Variants in MEMO1 observed in about 807,000 individuals in gnomAD.
MEMO1 encodes the protein mediator of cell motility 1, also known as protein MEMO1.
MEMO1 carries 6 observed loss-of-function variants against 45.2 expected under a neutral mutation model. The ratio of observed to expected loss-of-function variants is 0.13; its 90% confidence interval spans 0.07 to 0.26. The LOEUF is 0.26. Among genes scored for constraint, MEMO1 ranks in the 10% least tolerant of loss-of-function variants. The pLI, the probability that MEMO1 is intolerant of heterozygous loss-of-function variation, is 1.00. For missense variants in MEMO1, 184 were observed against 370.5 expected, an observed-to-expected ratio of 0.50 and a Z score of 4.13; for synonymous variants, 78 against 124.3, an observed-to-expected ratio of 0.63 and a Z score of 2.48.
At chr2:31,988,533 A>G (rs1467460384) in intron 2 of MEMO1, among the ~76,000 whole-genome samples, 1 of 152,134 alleles carries the variant, frequency 6.6e-6, no homozygotes, top group Admixed American at 6.5e-5. Context: ...GCGACAAAGC[A>G]AGACTCTGTC....
chr2:31,882,856 T>C (rs750410797), intron 8 of MEMO1, among the ~76,000 whole-genome samples: 3 of 152,182 alleles, frequency 2.0e-5, no homozygotes, highest in Non-Finnish European at 4.4e-5. Flanking sequence ...AGAATACAGA[T>C]TTTTATTAGC....
At chr2:31,968,623 T>C (rs993642960) in intron 2 of MEMO1, among the ~76,000 whole-genome samples, 2 of 152,190 alleles carry the variant, frequency 1.3e-5, no homozygotes, top group African/African-American at 4.8e-5. Context: ...TCTCCTTTTC[T>C]TTCAATTGTT....
At chr2:31,893,340 A>C in intron 6 of MEMO1, 4 of 1,163,326 alleles carry the variant, frequency 3.4e-6, no homozygotes, top group Non-Finnish European at 4.3e-6. Flanking sequence ...TAAGAGAAAA[A>C]AAGGAAGCTG....
At chr2:31,879,137 G>A (rs1402591290) in intron 8 of MEMO1, among the ~76,000 whole-genome samples, 1 of 152,172 alleles carries the variant, frequency 6.6e-6, no homozygotes, top group African/African-American at 2.4e-5. Context: ...CAAACTAGTA[G>A]AGAATAATTT....
At chr2:32,006,042 A>G (rs1363083488) in intron 2 of MEMO1, among the ~76,000 whole-genome samples, 2 of 152,246 alleles carry the variant, frequency 1.3e-5, no homozygotes, top group African/African-American at 2.4e-5. Context: ...AGCATGATGT[A>G]TTTAAAGAAA....
chr2:31,959,552 C>A (rs887190956), intron 2 of MEMO1, among the ~76,000 whole-genome samples: 3 of 151,054 alleles, frequency 2.0e-5, no homozygotes, highest in African/African-American at 7.3e-5. Flanking sequence ...AAATTGGGAG[C>A]CTTTGAGCAG....
intron 7 of MEMO1, among the ~76,000 whole-genome samples, chr2:31,884,561 T>A (rs565556103): frequency 3.9e-5 from 6 of 152,288 alleles, no homozygotes; most frequent in East Asian, 3.9e-4. Context: ...ACTAAAAAAA[T>A]TATGTAAATG....
At chr2:31,922,745 C>T (rs185489496) in intron 4 of MEMO1, among the ~76,000 whole-genome samples, 111 of 151,932 alleles carry the variant, frequency 7.3e-4, no homozygotes, top group Middle Eastern at 3.4e-3. Flanking sequence ...TCTGTTCCTA[C>T]GGGAGTTTGC....
At chr2:31,921,016 T>G (rs1682246665) in intron 4 of MEMO1, 106 bp from the exon 5 acceptor site, 1 of 729,870 alleles carries the variant, frequency 1.4e-6, no homozygotes, top group Non-Finnish European at 2.2e-6. Flanking sequence ...TTTTCCTTCT[T>G]AATTACCAAC....
intron 3 of MEMO1, among the ~76,000 whole-genome samples, chr2:31,938,344 G>GT (rs1031895831): frequency 9.9e-5 from 15 of 151,058 alleles, no homozygotes; most frequent in Non-Finnish European, 1.6e-4. Context: ...GCCTATAAAG[G>GT]TAAAAAAAAA....
intron 2 of MEMO1, among the ~76,000 whole-genome samples, chr2:32,006,227 T>C (rs1044718533): frequency 1.4e-4 from 22 of 152,198 alleles, no homozygotes; most frequent in African/African-American, 2.9e-4. Context: ...GCCAACATAC[T>C]ATTCAGGCAG....
intron 2 of MEMO1, among the ~76,000 whole-genome samples, chr2:31,978,408 G>GA (rs1267852618): frequency 2.6e-5 from 4 of 152,210 alleles, no homozygotes; most frequent in Non-Finnish European, 5.9e-5. Context: ...AAATAAAAGA[G>GA]AAATGCAAGT....
chr2:31,994,221 A>G (rs1333957284), intron 2 of MEMO1, among the ~76,000 whole-genome samples: 4 of 150,046 alleles, frequency 2.7e-5, no homozygotes, highest in Admixed American at 6.7e-5. Flanking sequence ...TCGCCCTCCC[A>G]AAGTACTGGA....
Position 31,928,117 on chromosome 2 carries a change from A to C in MEMO1, c.212+3950T>G, listed in dbSNP as rs78018086. Among the ~76,000 whole-genome samples, 636 of 152,356 alleles carry C rather than the reference A, an allele frequency of 4.2e-3. 9 individuals carry two copies. Among genetic ancestry groups the C allele is most frequent in the African/African-American group, 0.015 (624 of 41,580 alleles). On this transcript the variant is annotated intron_variant, in intron 4 of 9. Coordinates refer to ENST00000404530, the MANE Select transcript of MEMO1 (RefSeq NM_001301833.4). Reference sequence around the variant, plus strand: ...ATTCATCCATTTCTCTTGGAAAACAACACCTGAAAACCTTTGCTACCAATT... The same window carrying C: ...ATTCATCCATTTCTCTTGGAAAACACCACCTGAAAACCTTTGCTACCAATT...
intron 2 of MEMO1, among the ~76,000 whole-genome samples, chr2:31,976,922 T>C (rs924850750): frequency 6.6e-6 from 1 of 152,152 alleles, no homozygotes; most frequent in African/African-American, 2.4e-5. Flanking sequence ...TATTGAGATC[T>C]TTGTGTATAT....
intron 4 of MEMO1, among the ~76,000 whole-genome samples, chr2:31,930,480 A>G (rs748514734): frequency 1.3e-5 from 2 of 152,012 alleles, no homozygotes; most frequent in Non-Finnish European, 2.9e-5. Context: ...CCCCTCTACA[A>G]ATTCCTAAAC....
chr2:31,922,298 T>C (rs1371608831), intron 4 of MEMO1, among the ~76,000 whole-genome samples: 1 of 151,402 alleles, frequency 6.6e-6, no homozygotes, highest in East Asian at 1.9e-4. Flanking sequence ...ACTTCATAAA[T>C]TGCAGGGAGG....
chr2:31,876,451 A>G (rs942295587), intron 8 of MEMO1, among the ~76,000 whole-genome samples: 3 of 152,290 alleles, frequency 2.0e-5, no homozygotes, highest in African/African-American at 4.8e-5. Context: ...ACTAATTAAT[A>G]TATTTCCTTA....
chr2:31,925,466 A>C (rs1682944744), intron 4 of MEMO1, among the ~76,000 whole-genome samples: 1 of 116,114 alleles, frequency 8.6e-6, no homozygotes. Context: ...ACAGAGCAAG[A>C]CTCCGTCTCA....
Sources: allele counts gnomAD v4.1 joint callset (sites outside exome capture counted in the v4.1 genomes callset), GRCh38; gene constraint gnomAD v4.1.1; transcripts MANE v1.5; gene names NCBI Gene and HGNC (gene_info 2026-07-23, HGNC 2026-07-21).